Variants in PLA2G5 observed in about 807,000 individuals in gnomAD.
The protein encoded by PLA2G5 is phospholipase A2 group V.
A neutral mutation model predicts 15.9 loss-of-function variants in PLA2G5; 12 were observed. That is an observed-to-expected ratio of 0.76 (90% CI 0.48 to 1.23). PLA2G5 has a LOEUF of 1.23. Ranked by LOEUF, PLA2G5 falls within the 50% of genes most tolerant of loss-of-function variation. The pLI, the probability that PLA2G5 is intolerant of heterozygous loss-of-function variation, is 0.00. For missense variants in PLA2G5, 169 were observed against 177.1 expected, an observed-to-expected ratio of 0.95 and a Z score of 0.26; for synonymous variants, 71 against 71.4, an observed-to-expected ratio of 0.99 and a Z score of 0.03.
chr1:20,067,542 G>A (rs1306584688), upstream of PLA2G5, among the ~76,000 whole-genome samples: 1 of 152,038 alleles, frequency 6.6e-6, no homozygotes, highest in African/African-American at 2.4e-5. Context: ...CAAAAAATTA[G>A]CCAGGTGTGG....
At chr1:20,086,370 C>A in intron 3 of PLA2G5, 143 bp downstream of exon 3, 3 of 952,478 alleles carry the variant, frequency 3.1e-6, no homozygotes, top group Non-Finnish European at 4.7e-6. Flanking sequence ...AATTAGCTGG[C>A]AATCCCAAGA....
chr1:20,029,386 C>G (rs937766312), intron 1 of PLA2G5, among the ~76,000 whole-genome samples: 6 of 151,978 alleles, frequency 3.9e-5, no homozygotes, highest in Non-Finnish European at 7.4e-5. Flanking sequence ...CTGACATGTT[C>G]CTCCGCTGAT....
chr1:20,047,917 T>C (rs2013996297), intron 1 of PLA2G5, among the ~76,000 whole-genome samples: 1 of 152,164 alleles, frequency 6.6e-6, no homozygotes, highest in African/African-American at 2.4e-5. Flanking sequence ...TTTCCTTTGA[T>C]ATGCAAATTT....
At chr1:20,029,103 T>C (rs1024982277) in intron 1 of PLA2G5, among the ~76,000 whole-genome samples, 2 of 152,208 alleles carry the variant, frequency 1.3e-5, no homozygotes, top group African/African-American at 2.4e-5. Context: ...CCTGTGATCC[T>C]TGGATCACAC....
Position 20,091,808 on chromosome 1 carries a change from C to G in PLA2G5, c.*1116C>G, listed in dbSNP as rs565534936. Among the ~76,000 whole-genome samples the G allele has an allele frequency of 6.6e-6, 1 of 152,260 alleles. No homozygotes were observed. Among genetic ancestry groups the G allele is most frequent in the South Asian group, 2.1e-4 (1 of 4,820 alleles). On this transcript the variant is annotated 3_prime_UTR_variant, in exon 5 of 5. Transcript: ENST00000375108. ...AGAAAGGACCTATGGCTTCTTTATT[C>G]CGACATACCCCAAAATAACTGCATG...
intron 2 of PLA2G5, among the ~76,000 whole-genome samples, chr1:20,062,698 T>G (rs2014794605): frequency 6.7e-6 from 1 of 148,458 alleles, no homozygotes; most frequent in Non-Finnish European, 1.5e-5. Flanking sequence ...ACTGCTGTCC[T>G]TCTTTTTCCC....
At chr1:20,058,612 A>G (rs1257529050) in intron 1 of PLA2G5, among the ~76,000 whole-genome samples, 1 of 152,192 alleles carries the variant, frequency 6.6e-6, no homozygotes. Flanking sequence ...ATACAATCAT[A>G]TGAGCCTTGA....
chr1:20,071,638 A>T (rs1001818897), intron 1 of PLA2G5, among the ~76,000 whole-genome samples: 57 of 152,174 alleles, frequency 3.7e-4, no homozygotes, highest in African/African-American at 1.2e-3. Flanking sequence ...TGGCAAAGGT[A>T]GACCCAGCTT....
chr1:20,039,446 T>A (rs916894538), intron 1 of PLA2G5, among the ~76,000 whole-genome samples: 1 of 152,166 alleles, frequency 6.6e-6, no homozygotes, highest in African/African-American at 2.4e-5. Context: ...TAGACAGGAA[T>A]TACACTTGGA....
At chr1:20,082,668 A>G (rs900653924) in intron 1 of PLA2G5, among the ~76,000 whole-genome samples, 1 of 151,812 alleles carries the variant, frequency 6.6e-6, no homozygotes, top group Non-Finnish European at 1.5e-5. Flanking sequence ...CCAGCTACCT[A>G]CTGTCACAGT....
intron 1 of PLA2G5, among the ~76,000 whole-genome samples, chr1:20,029,043 A>G (rs2012732926): frequency 6.6e-6 from 1 of 152,188 alleles, no homozygotes; most frequent in Non-Finnish European, 1.5e-5. Flanking sequence ...TGTGTTAACC[A>G]GCTCAATTAG....
At chr1:20,046,937 G>A (rs538936518) in intron 1 of PLA2G5, among the ~76,000 whole-genome samples, 1 of 152,300 alleles carries the variant, frequency 6.6e-6, no homozygotes, top group African/African-American at 2.4e-5. Context: ...GAGCTTGTCT[G>A]TGTGCATTTG....
intron 2 of PLA2G5, among the ~76,000 whole-genome samples, chr1:20,060,881 C>T (rs2014692020): frequency 1.3e-5 from 2 of 152,110 alleles, no homozygotes; most frequent in Non-Finnish European, 2.9e-5. Flanking sequence ...CCATGCCCAG[C>T]TAATTTTGTA....
chr1:20,031,205 T>C (rs2012910275), intron 1 of PLA2G5, among the ~76,000 whole-genome samples: 1 of 152,152 alleles, frequency 6.6e-6, no homozygotes, highest in Non-Finnish European at 1.5e-5. Flanking sequence ...AGGTGAGATG[T>C]AGGTTTATTT....
chr1:20,040,385 C>T (rs1284373641), intron 1 of PLA2G5, among the ~76,000 whole-genome samples: 1 of 152,292 alleles, frequency 6.6e-6, no homozygotes, highest in African/African-American at 2.4e-5. Context: ...TTTAGCACAT[C>T]CTACTTTCTG....
chr1:20,086,157 A>T lies in PLA2G5; in HGVS notation c.115A>T (p.Thr39Ser). The T allele has an allele frequency of 6.2e-7, 1 of 1,614,110 alleles. No individual in the cohort carries two copies. Among genetic ancestry groups the T allele is most frequent in the Non-Finnish European group, 8.5e-7 (1 of 1,179,994 alleles). ...IEKVTGKNALTNYGFYGCYCG... is the reference protein window; with the variant it reads ...IEKVTGKNALSNYGFYGCYCG... ...GAAGGTGACAGGGAAGAACGCCCTGACAAACTACGGCTTCTACGGCTGTTA... is the reference window on the plus strand; with the variant it reads ...GAAGGTGACAGGGAAGAACGCCCTGTCAAACTACGGCTTCTACGGCTGTTA... Residue 39 changes from threonine (T) to serine (S), a missense_variant, in exon 3 of 5, where the codon ACA (threonine) becomes TCA (serine). By Grantham distance (58) the Thr-to-Ser change is moderately conservative (BLOSUM62 1). Coordinates refer to ENST00000375108, the MANE Select transcript of PLA2G5 (RefSeq NM_000929.3).
chr1:20,074,971 G>A (rs539806056), intron 1 of PLA2G5, among the ~76,000 whole-genome samples: 19 of 152,298 alleles, frequency 1.2e-4, no homozygotes, highest in African/African-American at 4.6e-4. Context: ...TCACATGGGG[G>A]CCCAGGGCCA....
intron 1 of PLA2G5, among the ~76,000 whole-genome samples, chr1:20,036,042 G>A (rs1372481578): frequency 1.3e-5 from 2 of 152,080 alleles, no homozygotes; most frequent in Non-Finnish European, 2.9e-5. Context: ...TAATTGTTTT[G>A]TTTAAAGAGA....
chr1:20,065,388 C>T (rs2014965448), upstream of PLA2G5, among the ~76,000 whole-genome samples: 1 of 152,172 alleles, frequency 6.6e-6, no homozygotes, highest in African/African-American at 2.4e-5. Context: ...AGAACAGTTT[C>T]ACTGCCCTGA....
Sources: allele counts gnomAD v4.1 joint callset (sites outside exome capture counted in the v4.1 genomes callset), GRCh38; gene constraint gnomAD v4.1.1; transcripts MANE v1.5; gene names NCBI Gene and HGNC (gene_info 2026-07-23, HGNC 2026-07-21).